GSE1: variants seen among roughly 807,000 people sequenced by gnomAD.
GSE1 encodes genetic suppressor element 1.
In GSE1, 32 loss-of-function variants were observed where a neutral mutation model predicts 112.6. The observed-to-expected ratio is 0.28, with a 90% CI of 0.21 to 0.38. GSE1 has a LOEUF of 0.38. GSE1 is among the 10% of genes least tolerant of loss of function. The pLI is 1.00. For missense variants in GSE1, 2,348 were observed against 1,699.2 expected (o/e 1.38, Z -6.71); for synonymous variants, 1,115 against 735.6 (o/e 1.52, Z -8.35).
At chr16:85,652,788 A>G (rs1300014595) in intron 3 of GSE1, among the ~76,000 whole-genome samples, 1 of 152,118 alleles carries the variant, frequency 6.6e-6, no homozygotes, top group African/African-American at 2.4e-5. Context: ...CAGGTCTCAG[A>G]GCCCCTGGGC....
intron 1 of GSE1, among the ~76,000 whole-genome samples, chr16:85,192,577 T>G (rs951622269): frequency 2.0e-4 from 31 of 152,310 alleles, no homozygotes; most frequent in Admixed American, 2.0e-3. Context: ...CATCTGTGCT[T>G]CTGCTGCCTC....
intron 15 of GSE1, among the ~76,000 whole-genome samples, chr16:85,671,331 T>G (rs977362794): frequency 1.0e-4 from 15 of 149,896 alleles, no homozygotes; most frequent in South Asian, 2.1e-4. Context: ...TCCCAGCTAC[T>G]TGGGAGGCTG....
At chr16:85,247,474 C>G (rs1041901248) in intron 1 of GSE1, among the ~76,000 whole-genome samples, 2 of 152,162 alleles carry the variant, frequency 1.3e-5, no homozygotes, top group Non-Finnish European at 2.9e-5. Flanking sequence ...GGGCCTGAGC[C>G]AGAGAGGAGG....
At chr16:85,322,975 G>C (rs924636107) in intron 1 of GSE1, among the ~76,000 whole-genome samples, 1 of 152,202 alleles carries the variant, frequency 6.6e-6, no homozygotes, top group African/African-American at 2.4e-5. Context: ...GCTGATTGGT[G>C]AGTGACCCTG....
At chr16:85,171,183 C>CGAGGAGGTG (rs1426842643) in exon 1 of GSE1, 2 of 985,526 alleles carry the variant, frequency 2.0e-6, no homozygotes. Context: ...CCTGCCAGAA[C>CGAGGAGGTG]GAGGAGCTCA....
intron 1 of GSE1, among the ~76,000 whole-genome samples, chr16:85,557,491 A>G (rs374115210): frequency 1.3e-5 from 2 of 151,848 alleles, no homozygotes; most frequent in East Asian, 1.9e-4. Flanking sequence ...AAAATTCTGC[A>G]GAAGACGCTG....
chr16:85,247,032 C>T (rs1380777452), intron 1 of GSE1, among the ~76,000 whole-genome samples: 1 of 152,102 alleles, frequency 6.6e-6, no homozygotes, highest in South Asian at 2.1e-4. Flanking sequence ...TCTTCTCTGA[C>T]CCATCTCGTC....
At chr16:85,353,963 C>T (rs1308822803) in intron 1 of GSE1, among the ~76,000 whole-genome samples, 1 of 152,210 alleles carries the variant, frequency 6.6e-6, no homozygotes, top group Non-Finnish European at 1.5e-5. Flanking sequence ...GTCTGTTGAA[C>T]AATCTTGTGT....
chr16:85,269,621 A>G (rs1238156604), intron 1 of GSE1, among the ~76,000 whole-genome samples: 1 of 149,266 alleles, frequency 6.7e-6, no homozygotes, highest in African/African-American at 2.4e-5. Flanking sequence ...CGTGCTCTGC[A>G]TGCCCGGCCC....
intron 2 of GSE1, among the ~76,000 whole-genome samples, chr16:85,367,844 CTTTT>C (rs5818532): frequency 4.3e-5 from 5 of 115,032 alleles, no homozygotes; most frequent in Admixed American, 3.1e-4. Flanking sequence ...AAATAAGATT[CTTTT>C]TTTTTTTTTT....
At chr16:85,429,521 T>G (rs1261734842) in intron 2 of GSE1, among the ~76,000 whole-genome samples, 2 of 152,202 alleles carry the variant, frequency 1.3e-5, no homozygotes, top group East Asian at 1.9e-4. Context: ...GCCCAGAACC[T>G]TCCTGTGGCT....
At chr16:85,278,217 G>A (rs899922908) in intron 1 of GSE1, among the ~76,000 whole-genome samples, 3 of 152,190 alleles carry the variant, frequency 2.0e-5, no homozygotes, top group African/African-American at 7.2e-5. Flanking sequence ...AGGGGGCGGG[G>A]GTGCTGTCCT....
chr16:85,612,240 T>A (rs1421401894), upstream of GSE1, among the ~76,000 whole-genome samples: 1 of 78,678 alleles, frequency 1.3e-5, no homozygotes, highest in South Asian at 4.7e-4. Flanking sequence ...CGCGATGGGG[T>A]GGGGGCGGGG....
intron 1 of GSE1, among the ~76,000 whole-genome samples, chr16:85,291,529 C>T (rs970221460): frequency 3.3e-5 from 5 of 152,232 alleles, no homozygotes; most frequent in Admixed American, 6.5e-5. Flanking sequence ...AAAGGGCTGT[C>T]GGCCCTGGCA....
upstream of GSE1, among the ~76,000 whole-genome samples, chr16:85,607,419 T>C (rs2047756710): frequency 6.6e-6 from 1 of 152,170 alleles, no homozygotes; most frequent in South Asian, 2.1e-4. Context: ...TCGGCGGCGC[T>C]CACAAAGCGA....
chr16:85,370,867 G>C, intron 2 of GSE1, among the ~76,000 whole-genome samples: 1 of 152,246 alleles, frequency 6.6e-6, no homozygotes, highest in East Asian at 1.9e-4. Flanking sequence ...GGGAAGGCAG[G>C]AAGTGGCTGC....
upstream of GSE1, among the ~76,000 whole-genome samples, chr16:85,554,348 C>CA (rs2045089420): frequency 6.6e-6 from 1 of 152,160 alleles, no homozygotes; most frequent in South Asian, 2.1e-4. Flanking sequence ...GCTCCACACT[C>CA]ACACTCTCTG....
At chr16:85,666,546 G>A (rs2151989782) in intron 13 of GSE1, 199 bp downstream of exon 13, 1 of 608,920 alleles carries the variant, frequency 1.6e-6, no homozygotes, top group Non-Finnish European at 2.9e-6. Flanking sequence ...TGAACTCGTA[G>A]GTGAGAAACG....
At chr16:85,402,956 C>T (rs977099142) in intron 2 of GSE1, among the ~76,000 whole-genome samples, 1 of 151,910 alleles carries the variant, frequency 6.6e-6, no homozygotes, top group African/African-American at 2.4e-5. Context: ...TGGCTCCAGA[C>T]GCCATTTATT....
Sources: allele counts gnomAD v4.1 joint callset (sites outside exome capture counted in the v4.1 genomes callset), GRCh38; gene constraint gnomAD v4.1.1; transcripts MANE v1.5; gene names NCBI Gene and HGNC (gene_info 2026-07-23, HGNC 2026-07-21).